IKZF2: variants seen among roughly 807,000 people sequenced by gnomAD.
The protein encoded by IKZF2 is zinc finger protein Helios.
IKZF2 carries 15 observed loss-of-function variants against 49.2 expected under a neutral mutation model. The ratio of observed to expected loss-of-function variants is 0.30; its 90% CI spans 0.20 to 0.47. The LOEUF is 0.47. Among genes scored for constraint, IKZF2 ranks in the 20% least tolerant of loss-of-function variants. The pLI is 1.00. For synonymous variants in IKZF2, 227 were observed against 221.4 expected (o/e 1.03, Z -0.23); for missense variants, 567 against 664.6 (o/e 0.85, Z 1.61).
intron 6 of IKZF2, among the ~76,000 whole-genome samples, chr2:213,022,996 T>C (rs1357166111): frequency 6.6e-6 from 1 of 152,174 alleles, no homozygotes; most frequent in East Asian, 1.9e-4. Flanking sequence ...AAGCATGTTT[T>C]AATGCATGAC....
chr2:213,129,222 G>A (rs2060385261), intron 4 of IKZF2, among the ~76,000 whole-genome samples: 1 of 151,226 alleles, frequency 6.6e-6, no homozygotes, highest in Non-Finnish European at 1.5e-5. Context: ...GTTGGGAGAA[G>A]AGATAAATAC....
intron 6 of IKZF2, among the ~76,000 whole-genome samples, chr2:213,048,497 A>G (rs1700380139): frequency 6.6e-6 from 1 of 152,146 alleles, no homozygotes; most frequent in Non-Finnish European, 1.5e-5. Flanking sequence ...ATCATGTCCT[A>G]GAAGTATATT....
intron 8 of IKZF2, among the ~76,000 whole-genome samples, chr2:213,009,173 T>G (rs1695668402): frequency 6.6e-6 from 1 of 152,110 alleles, no homozygotes; most frequent in African/African-American, 2.4e-5. Flanking sequence ...TTGAAGCATG[T>G]TTGCAGTTTT....
At chr2:213,068,582 T>A (rs1483208365) in intron 4 of IKZF2, among the ~76,000 whole-genome samples, 1 of 152,098 alleles carries the variant, frequency 6.6e-6, no homozygotes, top group East Asian at 1.9e-4. Flanking sequence ...TAGTTATTGG[T>A]CACTATTATA....
chr2:213,085,410 T>C (rs1704469162), intron 4 of IKZF2, among the ~76,000 whole-genome samples: 1 of 152,190 alleles, frequency 6.6e-6, no homozygotes, highest in South Asian at 2.1e-4. Context: ...ACACTAAATA[T>C]ATTAATGTAT....
intron 4 of IKZF2, among the ~76,000 whole-genome samples, chr2:213,060,331 TAA>T (rs921287757): frequency 4.0e-5 from 6 of 151,496 alleles, no homozygotes; most frequent in East Asian, 3.9e-4. Flanking sequence ...TATATATATA[TAA>T]GACTTTTGTT....
chr2:213,086,031 G>T (rs1704550208), intron 4 of IKZF2, among the ~76,000 whole-genome samples: 1 of 152,116 alleles, frequency 6.6e-6, no homozygotes, highest in Non-Finnish European at 1.5e-5. Flanking sequence ...AACCCAAACT[G>T]AGGGCAACAC....
intron 4 of IKZF2, among the ~76,000 whole-genome samples, chr2:213,119,565 A>G (rs2059984634): frequency 6.6e-6 from 1 of 152,234 alleles, no homozygotes; most frequent in Non-Finnish European, 1.5e-5. Flanking sequence ...TTATTCTGTT[A>G]CAGATGACAC....
At chr2:213,113,055 T>TA (rs201532590) in intron 4 of IKZF2, among the ~76,000 whole-genome samples, 1,914 of 152,060 alleles carry the variant, frequency 0.013, 33 homozygotes, top group African/African-American at 0.044. Context: ...TCCTATCATC[T>TA]AAAAAAAATA....
chr2:213,135,600 G>A (rs1440617585), intron 4 of IKZF2, among the ~76,000 whole-genome samples: 4 of 151,798 alleles, frequency 2.6e-5, no homozygotes, highest in Non-Finnish European at 5.9e-5. Context: ...TGAGAAGATT[G>A]CTTGAGCCCA....
At chr2:213,024,978 AGTT>A (rs1697664656) in intron 6 of IKZF2, among the ~76,000 whole-genome samples, 1 of 152,030 alleles carries the variant, frequency 6.6e-6, no homozygotes, top group African/African-American at 2.4e-5. Context: ...TTTTTATAAT[AGTT>A]ATTATTATTA....
rs1240851377 is a variant in IKZF2 at position 213,116,069 on chromosome 2, CCTT to C, written c.139+31636_139+31638del. 3.3e-5 allele frequency among the ~76,000 whole-genome samples: 5 copies of C among 152,106 alleles called. No individual in the cohort carries two copies. The East Asian group carries it at 7.7e-4, about 23-fold the overall frequency. ...GGGATAACAGATTATACTTTATTGA[CCTT>C]CTAGTTAATAACACTATTTTTAGAA... On this transcript the variant is annotated intron_variant, in intron 4 of 8. Coordinates refer to ENST00000434687, the MANE Select transcript of IKZF2 (RefSeq NM_001387220.1).
At chr2:213,116,345 T>C (rs531242065) in intron 4 of IKZF2, among the ~76,000 whole-genome samples, 5 of 152,364 alleles carry the variant, frequency 3.3e-5, no homozygotes, top group African/African-American at 9.6e-5. Flanking sequence ...TACATGGTCA[T>C]AGAAAATAAT....
chr2:213,093,556 C>T (rs1439719790), intron 4 of IKZF2, among the ~76,000 whole-genome samples: 1 of 152,136 alleles, frequency 6.6e-6, no homozygotes, highest in Non-Finnish European at 1.5e-5. Flanking sequence ...TATTTTACAG[C>T]ATCTAATATA....
intron 4 of IKZF2, among the ~76,000 whole-genome samples, chr2:213,074,057 G>GA (rs1702987755): frequency 1.3e-5 from 2 of 152,062 alleles, no homozygotes; most frequent in South Asian, 4.1e-4. Flanking sequence ...TCATACAAAT[G>GA]AAAAAGATTG....
At chr2:213,064,070 T>C (rs1701946752) in intron 4 of IKZF2, among the ~76,000 whole-genome samples, 1 of 152,032 alleles carries the variant, frequency 6.6e-6, no homozygotes, top group Non-Finnish European at 1.5e-5. Context: ...GGTATGTCCA[T>C]GCAGTACACC....
At chr2:213,088,139 C>A (rs1347618322) in intron 4 of IKZF2, among the ~76,000 whole-genome samples, 1 of 152,184 alleles carries the variant, frequency 6.6e-6, no homozygotes, top group African/African-American at 2.4e-5. Flanking sequence ...AAAAGTGTTC[C>A]CATTTCTCCA....
intron 4 of IKZF2, among the ~76,000 whole-genome samples, chr2:213,074,127 A>C (rs998212735): frequency 5.3e-5 from 8 of 152,246 alleles, no homozygotes; most frequent in African/African-American, 1.9e-4. Context: ...ACAGAGTAGC[A>C]GTATTTTGCC....
chr2:213,106,645 AAAAAAAAAAAAG>A (rs2059539640), intron 4 of IKZF2, among the ~76,000 whole-genome samples: 4 of 150,962 alleles, frequency 2.6e-5, no homozygotes, highest in Admixed American at 1.3e-4. Context: ...CCCTGTCTAA[AAAAAAAAAAAAG>A]AAAAAAGAAA....
Sources: gnomAD v4.1 joint callset for allele counts (sites outside exome capture counted in the v4.1 genomes callset) on GRCh38, gnomAD v4.1.1 for gene constraint, MANE v1.5 for transcripts, NCBI Gene and HGNC (gene_info 2026-07-23, HGNC 2026-07-21) for gene names.